The following RANBP2 variants were observed in gnomAD, a reference collection of about 807,000 sequenced individuals.
RANBP2 encodes E3 SUMO-protein ligase RanBP2.
Under a neutral mutation model 303.6 loss-of-function variants are expected in RANBP2, and 57 were observed. The ratio of observed to expected loss-of-function variants is 0.19; its 90% CI spans 0.15 to 0.23. The LOEUF is 0.23. Ranked by LOEUF, RANBP2 falls within the 10% of genes least tolerant of loss-of-function variation. The pLI is 1.00. For synonymous variants in RANBP2, 1,167 were observed against 1,301.5 expected, an observed-to-expected ratio of 0.90 and a Z score of 2.23; for missense variants, 3,138 against 3,780.8, an observed-to-expected ratio of 0.83 and a Z score of 4.46.
the RANBP2 span, among the ~76,000 whole-genome samples, chr2:109,638,171 G>T: frequency 0.9 from 135,999 of 151,916 alleles, 60,938 homozygotes; most frequent in Middle Eastern, 0.97. Flanking sequence ...AAGGTTAACA[G>T]TTGGAAGCAC....
chr2:109,711,856 G>A, the RANBP2 span, among the ~76,000 whole-genome samples: 10 of 152,054 alleles, frequency 6.6e-5, no homozygotes, highest in Non-Finnish European at 1.3e-4. Flanking sequence ...TTTATCATCT[G>A]TTGAGCCCAC....
At chr2:109,232,843 G>A in the RANBP2 span, among the ~76,000 whole-genome samples, 2 of 152,072 alleles carry the variant, frequency 1.3e-5, no homozygotes, top group East Asian at 1.9e-4. Context: ...AAATTTTATC[G>A]AGGTTCAATT....
At chr2:109,674,300 A>G in the RANBP2 span, among the ~76,000 whole-genome samples, 1 of 151,016 alleles carries the variant, frequency 6.6e-6, no homozygotes, top group Non-Finnish European at 1.5e-5. Flanking sequence ...ATATTTCCTC[A>G]TCACAAAATA....
At chr2:109,080,063 C>T in the RANBP2 span, among the ~76,000 whole-genome samples, 2 of 152,180 alleles carry the variant, frequency 1.3e-5, no homozygotes, top group African/African-American at 2.4e-5. Context: ...ATTGTGGACT[C>T]AATGCAGGAA....
chr2:109,290,210 A>G, the RANBP2 span, among the ~76,000 whole-genome samples: 1 of 152,348 alleles, frequency 6.6e-6, no homozygotes, highest in Admixed American at 6.5e-5. Context: ...TGGCTCTTTC[A>G]TATCTTCAGA....
At chr2:109,338,360 C>G in the RANBP2 span, among the ~76,000 whole-genome samples, 68 of 152,154 alleles carry the variant, frequency 4.5e-4, no homozygotes, top group African/African-American at 1.6e-3. Context: ...CTCAAAACTC[C>G]TTGAGCGCTG....
chr2:108,916,485 C>G, the RANBP2 span, among the ~76,000 whole-genome samples: 1 of 152,186 alleles, frequency 6.6e-6, no homozygotes, highest in African/African-American at 2.4e-5. Flanking sequence ...ACAATGCCTG[C>G]AGATGTGACA....
At chr2:109,424,894 G>C in the RANBP2 span, among the ~76,000 whole-genome samples, 2 of 152,188 alleles carry the variant, frequency 1.3e-5, no homozygotes, top group Non-Finnish European at 2.9e-5. Flanking sequence ...CTCACTTTAA[G>C]TCAAAAGTTA....
the RANBP2 span, among the ~76,000 whole-genome samples, chr2:109,104,026 C>T: frequency 6.6e-6 from 1 of 152,266 alleles, no homozygotes; most frequent in East Asian, 1.9e-4. Flanking sequence ...CATCTCCTGA[C>T]CTCATGATCC....
chr2:108,856,728 C>T, the RANBP2 span: 2 of 1,450,120 alleles, frequency 1.4e-6, no homozygotes, highest in Non-Finnish European at 1.9e-6. Flanking sequence ...TGCTTTTTTA[C>T]CTTCTGTTTC....
At chr2:109,590,659 C>A in the RANBP2 span, among the ~76,000 whole-genome samples, 8 of 152,254 alleles carry the variant, frequency 5.3e-5, no homozygotes, top group Middle Eastern at 3.4e-3. Context: ...GAACTCTTGA[C>A]CTCAGGTGAT....
chr2:109,006,693 T>G, the RANBP2 span, among the ~76,000 whole-genome samples: 1 of 152,116 alleles, frequency 6.6e-6, no homozygotes, highest in Non-Finnish European at 1.5e-5. Context: ...GGTGGGCGGC[T>G]AAGTGAGAGC....
chr2:108,907,995 A>G, the RANBP2 span: 4 of 1,610,260 alleles, frequency 2.5e-6, no homozygotes, highest in South Asian at 1.1e-5. Context: ...GCAGCTGCTC[A>G]TTCTCGGATG....
the RANBP2 span, among the ~76,000 whole-genome samples, chr2:109,335,108 G>A: frequency 6.6e-6 from 1 of 152,190 alleles, no homozygotes; most frequent in Non-Finnish European, 1.5e-5. Flanking sequence ...CTTCAAAACC[G>A]AACATTTCGT....
At chr2:109,371,920 C>A in the RANBP2 span, among the ~76,000 whole-genome samples, 2 of 152,202 alleles carry the variant, frequency 1.3e-5, no homozygotes, top group African/African-American at 4.8e-5. Context: ...GTCATCTCAC[C>A]ACGTGGGCAG....
the RANBP2 span, among the ~76,000 whole-genome samples, chr2:109,595,178 C>A: frequency 6.6e-6 from 1 of 152,202 alleles, no homozygotes; most frequent in African/African-American, 2.4e-5. Context: ...TGAGCCCCCA[C>A]GCCCAGCCAA....
chr2:109,582,025 A>G, the RANBP2 span, among the ~76,000 whole-genome samples: 1 of 152,038 alleles, frequency 6.6e-6, no homozygotes, highest in Non-Finnish European at 1.5e-5. Context: ...CTGTATATCA[A>G]TAATGGTCAA....
the RANBP2 span, among the ~76,000 whole-genome samples, chr2:109,268,953 G>C: frequency 0.32 from 47,983 of 152,006 alleles, 7,974 homozygotes; most frequent in East Asian, 0.46. Flanking sequence ...ATCTTTTTCC[G>C]TTTTCTGGGG....
At chr2:108,810,857 T>C in the RANBP2 span, among the ~76,000 whole-genome samples, 3 of 152,192 alleles carry the variant, frequency 2.0e-5, no homozygotes, top group East Asian at 5.8e-4. Context: ...AATTCAATCT[T>C]GTTACTTATG....
Sources: gnomAD v4.1 joint callset for allele counts (sites outside exome capture counted in the v4.1 genomes callset) on GRCh38, gnomAD v4.1.1 for gene constraint, MANE v1.5 for transcripts, NCBI Gene and HGNC (gene_info 2026-07-23, HGNC 2026-07-21) for gene names.